Variants in ADGRF5 observed in about 807,000 individuals in gnomAD.
ADGRF5 encodes G-protein coupled receptor 116.
Under a neutral mutation model 132.3 loss-of-function variants are expected in ADGRF5, and 75 were observed. The observed-to-expected ratio is 0.57, with a 90% CI of 0.47 to 0.69. ADGRF5 has a LOEUF of 0.69. Ranked by LOEUF, ADGRF5 falls within the 30% of genes least tolerant of loss-of-function variation. ADGRF5 has a pLI of 0.00. For synonymous variants in ADGRF5, 629 were observed against 597.6 expected (o/e 1.05, Z -0.77); for missense variants, 1,516 against 1,630.6 (o/e 0.93, Z 1.21).
intron 1 of ADGRF5, among the ~76,000 whole-genome samples, chr6:46,932,127 A>G (rs1186863333): frequency 6.6e-6 from 1 of 152,240 alleles, no homozygotes; most frequent in Non-Finnish European, 1.5e-5. Context: ...ATTTTTTACC[A>G]TGCAAGTTTC....
rs1452423462 is a variant in ADGRF5, at chr6:46,863,021, A to G, written c.2066T>C (p.Phe689Ser). ...CTCAGGGCTGCTGGGAACGTTTGAGAACCGGCATAGCTTCTGGATGACTTT... is the reference window on the plus strand; with the variant it reads ...CTCAGGGCTGCTGGGAACGTTTGAGGACCGGCATAGCTTCTGGATGACTTT... ...PGKVIQKLCR[F>S]SNVPSSPESP... Residue 689 changes from phenylalanine (F) to serine (S), a missense_variant, in exon 15 of 21, where the codon TTC becomes TCC. Coordinates refer to ENST00000283296, the MANE Select transcript of ADGRF5 (RefSeq NM_001098518.2). 5 of 1,613,822 alleles carry G rather than the reference A, an allele frequency of 3.1e-6. No individual in the cohort carries two copies. The South Asian group carries it at 3.3e-5, about 11-fold the overall frequency.
At chr6:46,869,878 C>CTA (rs939229843) in intron 11 of ADGRF5, among the ~76,000 whole-genome samples, 31 of 151,988 alleles carry the variant, frequency 2.0e-4, no homozygotes, top group Non-Finnish European at 2.9e-4. Flanking sequence ...ATTAGTTTCA[C>CTA]TATATATATA....
chr6:46,953,685 A>ATATCTATC (rs1554131447), intron 1 of ADGRF5, among the ~76,000 whole-genome samples: 2 of 126,956 alleles, frequency 1.6e-5, no homozygotes, highest in African/African-American at 5.7e-5. Flanking sequence ...ATATATATAT[A>ATATCTATC]TATATCTCAC....
At chr6:46,888,778 C>G (rs540019439) in intron 3 of ADGRF5, among the ~76,000 whole-genome samples, 1 of 152,180 alleles carries the variant, frequency 6.6e-6, no homozygotes, top group Non-Finnish European at 1.5e-5. Context: ...GGGAACTGTT[C>G]GGGCAAAATA....
At chr6:46,900,491 C>G (rs1774641243) in intron 2 of ADGRF5, among the ~76,000 whole-genome samples, 2 of 151,576 alleles carry the variant, frequency 1.3e-5, no homozygotes, top group Non-Finnish European at 2.9e-5. Context: ...AACACTCACC[C>G]TGTCCTAACC....
intron 1 of ADGRF5, among the ~76,000 whole-genome samples, chr6:46,907,564 T>C (rs977816300): frequency 1.3e-5 from 2 of 152,050 alleles, no homozygotes; most frequent in Non-Finnish European, 2.9e-5. Flanking sequence ...AGCTTTTTGG[T>C]GATGAGATGA....
chr6:46,871,003 A>G (rs1770995803), intron 11 of ADGRF5: 1 of 153,606 alleles, frequency 6.5e-6, no homozygotes, highest in Admixed American at 6.6e-5. Flanking sequence ...TTATAGATAT[A>G]TATTAGATAT....
rs186797295 is a variant in ADGRF5 at position 46,863,218 on chromosome 6, C to T, written c.1991-122G>A. ...CACATTTACCTTTACTTTCCGTCACCTTTTCAGAACTACCCAATTTCTTAA... is the reference window on the plus strand; with the variant it reads ...CACATTTACCTTTACTTTCCGTCACTTTTTCAGAACTACCCAATTTCTTAA... On this transcript the variant is annotated intron_variant, in intron 14 of 20. Coordinates refer to ENST00000283296, the MANE Select transcript of ADGRF5 (RefSeq NM_001098518.2). 7.2e-5 allele frequency: 56 copies of T among 781,956 alleles called. No individual in the cohort carries two copies. In the Admixed American group the frequency reaches 9.2e-4, roughly 13 times the overall value. The allele number at this position is 781,956 out of a possible 1,614,324, so 48.4% of individuals were successfully genotyped here.
chr6:46,878,514 C>G, intron 9 of ADGRF5, 109 bp from the exon 10 acceptor site: 1 of 704,316 alleles, frequency 1.4e-6, no homozygotes, highest in Non-Finnish European at 2.4e-6. Flanking sequence ...GTATCATTTT[C>G]AAAAGCATCT....
intron 3 of ADGRF5, 48 bp downstream of exon 3, chr6:46,899,981 C>G: frequency 7.4e-7 from 1 of 1,347,548 alleles, no homozygotes; most frequent in Non-Finnish European, 1.1e-6. Context: ...CAACACATAC[C>G]ATTTGAGTCA....
intron 2 of ADGRF5, chr6:46,905,496 A>G (rs1775247318): frequency 1.3e-5 from 2 of 152,202 alleles, no homozygotes. Flanking sequence ...AATAAATTAT[A>G]CAAATTTACT....
chr6:46,876,146 G>A (rs551606166), intron 10 of ADGRF5, among the ~76,000 whole-genome samples: 3 of 152,238 alleles, frequency 2.0e-5, no homozygotes, highest in Non-Finnish European at 4.4e-5. Flanking sequence ...GAGAGCTGCA[G>A]AGAGGAAGCA....
intron 1 of ADGRF5, among the ~76,000 whole-genome samples, chr6:46,932,913 T>C (rs114494808): frequency 0.013 from 1,936 of 152,250 alleles, 43 homozygotes; most frequent in African/African-American, 0.044. Flanking sequence ...AATGTTTGCT[T>C]GAGAAAGAAA....
chr6:46,906,989 G>A (rs560848730), intron 1 of ADGRF5, among the ~76,000 whole-genome samples: 1 of 152,278 alleles, frequency 6.6e-6, no homozygotes, highest in Non-Finnish European at 1.5e-5. Context: ...AGGGGAATGC[G>A]GGTTGATAGG....
intron 7 of ADGRF5, 110 bp from the exon 8 acceptor site, chr6:46,881,707 A>G (rs1039479878): frequency 7.2e-6 from 6 of 833,584 alleles, no homozygotes; most frequent in African/African-American, 6.8e-5. Context: ...CTGATGCAGC[A>G]TGCAAATCTA....
chr6:46,863,094 C>T lies in ADGRF5; in HGVS notation c.1993G>A (p.Glu665Lys). 6.2e-7 allele frequency: 1 copy of T among 1,611,084 alleles called. No individual in the cohort carries two copies. Among genetic ancestry groups the T allele is most frequent in the African/African-American group, 1.3e-5 (1 of 74,934 alleles). The change falls in exon 15 of 21, where the codon GAA (glutamate) becomes AAA (lysine). Residue 665 changes from glutamate (E) to lysine (K), a missense_variant and splice_region_variant. Glu to Lys is a moderately conservative substitution (Grantham distance 56, BLOSUM62 1). This residue lies in a region of ADGRF5 where 945 missense variants were observed against 929.4 expected (regional missense o/e 1.02). Transcript: ENST00000283296. ...ACGGGATCCTGGCATGTGATGTTTT[C>T]CCCTGTGTTGGAAACATTGAAATAA... Reference protein sequence around the residue: ...PSMKLNLVPGENITCQDPVIG... With the variant: ...PSMKLNLVPGKNITCQDPVIG...
At chr6:46,897,638 G>A (rs184428365) in intron 3 of ADGRF5, among the ~76,000 whole-genome samples, 89 of 152,216 alleles carry the variant, frequency 5.8e-4, no homozygotes, top group Admixed American at 2.2e-3. Flanking sequence ...GCAGTGGTGC[G>A]ATCTCAGCTC....
chr6:46,877,322 C>CTTCCTTCCTTCT, intron 10 of ADGRF5, among the ~76,000 whole-genome samples: 1 of 30,314 alleles, frequency 3.3e-5, no homozygotes, highest in South Asian at 7.8e-4. Context: ...TCCTTCCTTC[C>CTTCCTTCCTTCT]TTCTTTCTTT....
rs397748643 is a variant in ADGRF5 at position 46,856,069 on chromosome 6, G to GGA, written c.3877-12_3877-11insTC. ...ACCCAGGGATGTTGACTAGAAGAGAGAAAAAAAGGGACAATCACAAAGCAA... is the reference window on the plus strand; with the variant it reads ...ACCCAGGGATGTTGACTAGAAGAGAGGAAAAAAAAGGGACAATCACAAAGCAA... On this transcript the variant is annotated splice_polypyrimidine_tract_variant and intron_variant, in intron 19 of 20. Transcript: ENST00000283296. 3.1e-5 allele frequency: 41 copies of GGA among 1,332,806 alleles called. No homozygotes were observed. The highest frequency in any genetic ancestry group is 1.8e-4 in the Admixed American group (8 of 43,532). The allele number at this position is 1,332,806 out of a possible 1,614,324, so 82.6% of individuals were successfully genotyped here.
Sources: gnomAD v4.1 joint callset for allele counts (sites outside exome capture counted in the v4.1 genomes callset) on GRCh38, gnomAD v4.1.1 for gene constraint, gnomAD v4.1.1 regional missense constraint, MANE v1.5 for transcripts, NCBI Gene and HGNC (gene_info 2026-07-23, HGNC 2026-07-21) for gene names.